The following BOK variants were observed in gnomAD, a reference collection of about 807,000 sequenced individuals.
BOK encodes bcl-2-related ovarian killer protein.
Under a neutral mutation model 18.3 loss-of-function variants are expected in BOK, and 20 were observed. That is an observed-to-expected ratio of 1.09 (90% confidence interval 0.77 to 1.59). The LOEUF (loss-of-function observed/expected upper bound fraction) is 1.59. Ranked by LOEUF, BOK falls within the 40% of genes most tolerant of loss-of-function variation. BOK has a pLI of 0.00. For synonymous variants in BOK, 173 were observed against 142.4 expected (o/e 1.21, Z -1.53); for missense variants, 348 against 307.9 (o/e 1.13, Z -0.97).
Position 241,562,230 on chromosome 2 carries a change from A to T in BOK, c.221-118A>T. ...GAGGTGGGAATCAGACAAGTGAGGA[A>T]CAGGCTGGAATTCAAGCATGGTCAG... is the stretch of plus-strand genomic sequence containing the variant. On this transcript the variant is annotated intron_variant, in intron 2 of 4. Coordinates refer to ENST00000318407, the MANE Select transcript of BOK (RefSeq NM_032515.5). The surrounding 1 kb of genome is among the most constrained non-coding windows in gnomAD (Gnocchi z 4.5). The T allele has an allele frequency of 7.6e-7, 1 of 1,307,792 alleles. No individual in the cohort carries two copies. The highest frequency in any genetic ancestry group is 1.0e-6 in the Non-Finnish European group (1 of 968,896). 81.0% of individuals were successfully genotyped at this position (1,307,792 alleles called of 1,614,324 possible).
chr2:241,569,515 CTTA>C (rs1455977674), intron 3 of BOK, among the ~76,000 whole-genome samples: 4 of 152,348 alleles, frequency 2.6e-5, no homozygotes, highest in Admixed American at 6.5e-5. Flanking sequence ...TTTCGTGTCT[CTTA>C]TTATAATTTT....
At chr2:241,554,847 A>C (rs1447994539), upstream of BOK, among the ~76,000 whole-genome samples, 1 of 152,228 alleles carries the variant, frequency 6.6e-6, no homozygotes, top group Non-Finnish European at 1.5e-5. Context: ...TGCTTAAGCC[A>C]GTCTGGTGGG....
rs1037577428 is a variant in BOK at position 241,573,741 on chromosome 2, A to G, written c.*1319A>G. The G allele has an allele frequency of 2.0e-5, 3 of 152,202 alleles. No homozygotes were observed. Among genetic ancestry groups the G allele is most frequent in the African/African-American group, 7.2e-5 (3 of 41,434 alleles). The allele number at this position is 152,202 out of a possible 1,614,324, so 9.4% of individuals were successfully genotyped here. A position where few individuals can be genotyped will look rare whatever the true frequency, so the allele number is the denominator to read the frequency against. The stretch of plus-strand genomic sequence containing the variant: ...TTTTTGTGCTCATCCTCATACAACC[A>G]TTTGGGGATGTGCCTATTAGGGCTC... On this transcript the variant is annotated 3_prime_UTR_variant, in exon 5 of 5. Transcript: ENST00000318407.
chr2:241,570,264 C>T lies in BOK; in HGVS notation c.489C>T (p.Thr163=), dbSNP rs2066693341. The change falls in exon 4 of 5, where the codon ACC becomes ACT. Residue 163 remains threonine, a synonymous_variant. Transcript: ENST00000318407. The part of the protein sequence containing the change: ...LGEFVRKTLA[T]WLRRRGGWTD... ...AGTTCGTGCGCAAGACCCTGGCAAC[C>T]TGGCTGCGGAGACGCGGCGGATGGG... 1 of 1,574,822 alleles carries T rather than the reference C, an allele frequency of 6.3e-7. No homozygotes were observed. The highest frequency in any genetic ancestry group is 1.4e-5 in the African/African-American group (1 of 73,968).
intron 3 of BOK, among the ~76,000 whole-genome samples, chr2:241,568,322 G>A (rs139127662): frequency 0.035 from 5,325 of 151,422 alleles, 106 homozygotes; most frequent in Middle Eastern, 0.11. Context: ...GGGTTTCACC[G>A]TTTTAGCCAG....
At chr2:241,552,818 C>T (rs1439274049) in intron 1 of BOK, among the ~76,000 whole-genome samples, 2 of 152,208 alleles carry the variant, frequency 1.3e-5, no homozygotes, top group Non-Finnish European at 2.9e-5. Flanking sequence ...GCCATGGCTC[C>T]GTGGGCCTTT....
chr2:241,558,465 G>T (rs1371735674), upstream of BOK, among the ~76,000 whole-genome samples: 1 of 152,222 alleles, frequency 6.6e-6, no homozygotes, highest in Non-Finnish European at 1.5e-5. Flanking sequence ...AAGGGCATGC[G>T]TCCGGACCAA....
chr2:241,558,665 G>A (rs1297671854), upstream of BOK: 9 of 152,306 alleles, frequency 5.9e-5, no homozygotes, highest in African/African-American at 2.2e-4. Flanking sequence ...TCCTCCTTAA[G>A]CGGGGAAGCT....
At chr2:241,559,938 C>T in intron 2 of BOK, 1 of 617,976 alleles carries the variant, frequency 1.6e-6, no homozygotes, top group Non-Finnish European at 2.0e-6. Flanking sequence ...TCATGCTGGC[C>T]ATAAACAATA....
intron 3 of BOK, among the ~76,000 whole-genome samples, chr2:241,565,077 C>A (rs377737108): frequency 1.3e-5 from 2 of 152,108 alleles, no homozygotes; most frequent in Admixed American, 6.5e-5. Context: ...ACACAGCTGA[C>A]GGGGAATGTG....
upstream of BOK, among the ~76,000 whole-genome samples, chr2:241,555,671 C>T (rs2066446064): frequency 6.6e-6 from 1 of 152,226 alleles, no homozygotes; most frequent in Non-Finnish European, 1.5e-5. Flanking sequence ...GCCACCACGC[C>T]TGGCACACTT....
chr2:241,560,245 C>T, intron 2 of BOK: 1 of 985,474 alleles, frequency 1.0e-6, no homozygotes, highest in South Asian at 4.7e-5. Context: ...GGTCCACTGG[C>T]TGCCCCCACC....
Position 241,572,314 on chromosome 2 carries a change from T to G in BOK, c.531T>G (p.Cys177Trp), listed in dbSNP as rs2066737411. The part of the protein sequence containing the change: ...RRGGWTDVLK[C>W]VVSTDPGLRS... ...CCTCCCAGACTGATGTCCTCAAGTG[T>G]GTGGTCAGCACAGACCCTGGCCTCC... is the stretch of plus-strand genomic sequence containing the variant. The change falls in exon 5 of 5, where the codon TGT becomes TGG. Residue 177 changes from cysteine (C) to tryptophan (W), a missense_variant. Physicochemically the swap from Cys to Trp is radical, Grantham distance 215. Coordinates refer to ENST00000318407, the MANE Select transcript of BOK (RefSeq NM_032515.5). The G allele has an allele frequency of 6.2e-7, 1 of 1,611,560 alleles. No individual in the cohort carries two copies. Among genetic ancestry groups the G allele is most frequent in the Non-Finnish European group, 8.5e-7 (1 of 1,179,852 alleles).
upstream of BOK, among the ~76,000 whole-genome samples, chr2:241,555,787 A>G (rs904848348): frequency 6.6e-6 from 1 of 152,190 alleles, no homozygotes; most frequent in African/African-American, 2.4e-5. Context: ...ATGTCTATCA[A>G]TTATGCCCAG....
Position 241,572,516 on chromosome 2 carries a change from C to T in BOK, c.*94C>T, listed in dbSNP as rs1323033390. ...CACATCTTCCTCCTCCCCACCCGAG[C>T]CTGGAGCACTCTAACCCTCGGAGAC... On this transcript the variant is annotated 3_prime_UTR_variant, in exon 5 of 5. Coordinates refer to ENST00000318407, the MANE Select transcript of BOK (RefSeq NM_032515.5). The T allele has an allele frequency of 7.4e-6, 11 of 1,495,460 alleles. No individual in the cohort carries two copies. Among genetic ancestry groups the T allele is most frequent in the Non-Finnish European group, 9.8e-6 (11 of 1,120,666 alleles). 92.6% of individuals were successfully genotyped at this position (1,495,460 alleles called of 1,614,324 possible). A position where few individuals can be genotyped will look rare whatever the true frequency, so the allele number is the denominator to read the frequency against.
chr2:241,564,799 T>C lies in BOK; in HGVS notation c.349+2323T>C, dbSNP rs138633917. Among the ~76,000 whole-genome samples the C allele has an allele frequency of 1.1e-3, 172 of 152,276 alleles. 1 individual carries two copies. The highest frequency in any genetic ancestry group is 3.7e-3 in the African/African-American group (155 of 41,556). ...GCGCGTGGGTGGCCACCCGGGTGTC[T>C]GTCTCGGGGCCGCTGGGTTTACGAG... is the stretch of plus-strand genomic sequence containing the variant. On this transcript the variant is annotated intron_variant, in intron 3 of 4. Transcript: ENST00000318407.
At chr2:241,557,422 G>A (rs964352996), upstream of BOK, among the ~76,000 whole-genome samples, 56 of 149,354 alleles carry the variant, frequency 3.7e-4, no homozygotes, top group African/African-American at 1.0e-3. Context: ...CAATTCTCCT[G>A]CCTCAGCCTC....
Position 241,572,688 on chromosome 2 carries a change from T to A in BOK, c.*266T>A. 1.9e-6 allele frequency: 1 copy of A among 515,874 alleles called. No individual in the cohort carries two copies. Among genetic ancestry groups the A allele is most frequent in the Non-Finnish European group, 3.5e-6 (1 of 288,374 alleles). 32.0% of individuals were successfully genotyped at this position (515,874 alleles called of 1,614,324 possible). On this transcript the variant is annotated 3_prime_UTR_variant, in exon 5 of 5. Transcript: ENST00000318407. ...TCCTGTGATCTCTGTGTTTTCCCTT[T>A]TCTTTCTGGGGCCAGGAAGTCAGGG...
rs1447540016 is a variant in BOK at position 241,573,202 on chromosome 2, T to C, written c.*780T>C. 1 of 125,282 alleles carries C rather than the reference T, an allele frequency of 8.0e-6. No individual in the cohort carries two copies. Among genetic ancestry groups the C allele is most frequent in the African/African-American group, 3.1e-5 (1 of 32,100 alleles). 7.8% of individuals were successfully genotyped at this position (125,282 alleles called of 1,614,324 possible). On this transcript the variant is annotated 3_prime_UTR_variant, in exon 5 of 5. Transcript: ENST00000318407. ...GTGAAGGGGCCCGGAACACCTGCTC[T>C]CACCTGAGCCCCCGGTGAAGGGGCC...
Sources: allele counts gnomAD v4.1 joint callset (sites outside exome capture counted in the v4.1 genomes callset), GRCh38; gene constraint gnomAD v4.1.1; non-coding constraint Gnocchi (gnomAD v3.1); transcripts MANE v1.5; gene names NCBI Gene and HGNC (gene_info 2026-07-23, HGNC 2026-07-21).